Variants in ARHGEF3 observed in about 807,000 individuals in gnomAD.
ARHGEF3 encodes the protein Rho guanine nucleotide exchange factor 3.
A neutral mutation model predicts 63.2 loss-of-function variants in ARHGEF3; 28 were observed. The observed-to-expected ratio is 0.44, with a 90% CI of 0.33 to 0.61. The LOEUF (loss-of-function observed/expected upper bound fraction) is 0.61, where lower values mean the gene tolerates loss of function less well. ARHGEF3 is among the 20% of genes least tolerant of loss of function. ARHGEF3 has a pLI of 0.03. For missense variants in ARHGEF3, 533 were observed against 659.3 expected (o/e 0.81, Z 2.10); for synonymous variants, 266 against 254.2 (o/e 1.05, Z -0.44).
chr3:56,947,398 A>G (rs1253434858), intron 3 of ARHGEF3, among the ~76,000 whole-genome samples: 2 of 152,234 alleles, frequency 1.3e-5, no homozygotes, highest in East Asian at 3.8e-4. Flanking sequence ...ACCTGCAGAG[A>G]CACATATAGG....
rs538202701 is a variant in ARHGEF3 at position 56,863,343 on chromosome 3, AG to A, written c.192+18948del. 8.8e-3 allele frequency among the ~76,000 whole-genome samples: 1,314 copies of A among 149,230 alleles called. 12 individuals carry two copies. The highest frequency in any genetic ancestry group is 0.014 in the Admixed American group (207 of 15,002). On this transcript the variant is annotated intron_variant, in intron 4 of 12. Transcript: ENST00000338458. ...GAGACATTGTCTCACTGTGTCGCCC[AG>A]GCTGGAGTGCAGTGGTGCAATCTTG...
intron 8 of ARHGEF3, among the ~76,000 whole-genome samples, chr3:56,733,749 C>T (rs1279839705): frequency 6.6e-6 from 1 of 151,814 alleles, no homozygotes. Flanking sequence ...TTTGGGAGGC[C>T]GAGGTGGGCG....
At chr3:56,860,109 T>C (rs1026018333) in intron 4 of ARHGEF3, among the ~76,000 whole-genome samples, 2 of 152,158 alleles carry the variant, frequency 1.3e-5, no homozygotes, top group Non-Finnish European at 2.9e-5. Flanking sequence ...AACAATTTAA[T>C]TAAAAATAAA....
chr3:56,953,937 G>C (rs763827814), intron 3 of ARHGEF3, among the ~76,000 whole-genome samples: 1 of 152,124 alleles, frequency 6.6e-6, no homozygotes, highest in Non-Finnish European at 1.5e-5. Context: ...TTATACTTGA[G>C]CTAGTTTTAA....
chr3:56,907,372 T>C (rs764033278), intron 3 of ARHGEF3, among the ~76,000 whole-genome samples: 7 of 152,190 alleles, frequency 4.6e-5, no homozygotes, highest in Non-Finnish European at 8.8e-5. Context: ...TAGAAATAAA[T>C]GCAGTTATTT....
At chr3:56,738,071 G>C (rs2033751693) in intron 7 of ARHGEF3, among the ~76,000 whole-genome samples, 1 of 151,864 alleles carries the variant, frequency 6.6e-6, no homozygotes. Context: ...TTGAGACGGA[G>C]TCTCACTCTG....
At chr3:57,023,545 TTAGGA>T (rs1360075668) in intron 2 of ARHGEF3, among the ~76,000 whole-genome samples, 1 of 70,838 alleles carries the variant, frequency 1.4e-5, no homozygotes, top group Admixed American at 1.3e-4. Context: ...CTTGGGACCC[TTAGGA>T]CAGAGTCTAA....
At chr3:56,909,766 G>A (rs1013269029) in intron 3 of ARHGEF3, among the ~76,000 whole-genome samples, 3 of 152,142 alleles carry the variant, frequency 2.0e-5, no homozygotes, top group African/African-American at 7.2e-5. Flanking sequence ...AACATGCAGA[G>A]TGCTTCACAC....
intron 3 of ARHGEF3, among the ~76,000 whole-genome samples, chr3:56,898,244 G>A (rs2041376823): frequency 6.6e-6 from 1 of 151,704 alleles, no homozygotes; most frequent in Non-Finnish European, 1.5e-5. Flanking sequence ...GAGTCCCGCT[G>A]TGTTGCCCAG....
chr3:56,737,386 G>C (rs779835735), intron 7 of ARHGEF3, 31 bp from the exon 8 acceptor site: 1 of 1,572,048 alleles, frequency 6.4e-7, no homozygotes, highest in Admixed American at 1.7e-5. Context: ...ATTAAGTATG[G>C]AGGAAAGCAG....
At chr3:57,068,051 T>C (rs1285432977) in intron 1 of ARHGEF3, among the ~76,000 whole-genome samples, 2 of 152,106 alleles carry the variant, frequency 1.3e-5, no homozygotes, top group Non-Finnish European at 2.9e-5. Context: ...CATGCACCTG[T>C]AGTCCCAGTT....
chr3:56,820,623 T>C (rs1357873964), intron 4 of ARHGEF3, among the ~76,000 whole-genome samples: 1 of 151,966 alleles, frequency 6.6e-6, no homozygotes, highest in Non-Finnish European at 1.5e-5. Flanking sequence ...GGCAACATAG[T>C]AAAGACCTTC....
chr3:56,934,966 C>T (rs989533337), intron 3 of ARHGEF3, among the ~76,000 whole-genome samples: 2 of 152,258 alleles, frequency 1.3e-5, no homozygotes, highest in African/African-American at 4.8e-5. Context: ...TTATGTCTAG[C>T]TCAGGGGTTG....
At chr3:56,782,552 TC>T (rs2036609502) in intron 1 of ARHGEF3, among the ~76,000 whole-genome samples, 1 of 151,932 alleles carries the variant, frequency 6.6e-6, no homozygotes, top group Non-Finnish European at 1.5e-5. Context: ...ACATTAGGCA[TC>T]CAAGGGGGAT....
chr3:56,868,365 T>G lies in ARHGEF3; in HGVS notation c.192+13927A>C, dbSNP rs560380313. ...AAGGATATTCTTTTTTTGTTTGTTT[T>G]TTTTTTTTTTCGAGACAGAGTCTCG... On this transcript the variant is annotated intron_variant, in intron 4 of 12. Transcript: ENST00000338458. Among the ~76,000 whole-genome samples, 9 of 151,696 alleles carry G rather than the reference T, an allele frequency of 5.9e-5. No individual in the cohort carries two copies. In the South Asian group the frequency reaches 6.2e-4, roughly 11 times the overall value.
chr3:57,059,469 C>A (rs990051069), intron 1 of ARHGEF3, among the ~76,000 whole-genome samples: 3 of 126,308 alleles, frequency 2.4e-5, no homozygotes, highest in African/African-American at 8.9e-5. Context: ...AGATAAGTCA[C>A]ATTTTGGAGT....
At chr3:56,942,120 C>T (rs541812898) in intron 3 of ARHGEF3, among the ~76,000 whole-genome samples, 3 of 152,316 alleles carry the variant, frequency 2.0e-5, no homozygotes, top group Middle Eastern at 3.4e-3. Context: ...CAGTAGCTAG[C>T]ACATTCCAAA....
chr3:56,826,740 C>T (rs79330665), intron 4 of ARHGEF3, among the ~76,000 whole-genome samples: 2,163 of 152,178 alleles, frequency 0.014, 22 homozygotes, highest in Non-Finnish European at 0.02. Context: ...ATGGAAAACC[C>T]CTACCAAAGT....
intron 3 of ARHGEF3, among the ~76,000 whole-genome samples, chr3:56,907,759 T>C (rs1179038224): frequency 1.3e-5 from 2 of 152,120 alleles, no homozygotes; most frequent in Non-Finnish European, 2.9e-5. Flanking sequence ...AGCAAACTAA[T>C]GCAGGAACAG....
Sources: allele counts gnomAD v4.1 joint callset (sites outside exome capture counted in the v4.1 genomes callset), GRCh38; gene constraint gnomAD v4.1.1; transcripts MANE v1.5; gene names NCBI Gene and HGNC (gene_info 2026-07-23, HGNC 2026-07-21).